The following KIAA0408 variants were observed in gnomAD, a reference collection of about 807,000 sequenced individuals.
KIAA0408 encodes uncharacterized protein KIAA0408.
In KIAA0408, 51 loss-of-function variants were observed where a neutral mutation model predicts 60.9. The ratio of observed to expected loss-of-function variants is 0.84; its 90% CI spans 0.67 to 1.06. The LOEUF (loss-of-function observed/expected upper bound fraction) is 1.06. Among genes scored for constraint, KIAA0408 ranks in the 50% least tolerant of loss-of-function variants. The probability of loss-of-function intolerance (pLI) is 0.00; values close to 1 mark genes in which losing one functional copy is unlikely to be tolerated. For missense variants in KIAA0408, 787 were observed against 833.9 expected (o/e 0.94, Z 0.69); for synonymous variants, 304 against 282.4 (o/e 1.08, Z -0.77).
chr6:127,446,284 A>G (rs1328037928), intron 5 of KIAA0408, 124 bp downstream of exon 5: 113 of 1,469,846 alleles, frequency 7.7e-5, no homozygotes, highest in Non-Finnish European at 9.8e-5. Flanking sequence ...AAACAGGGTC[A>G]AGAGGCTAAG....
Position 127,446,714 on chromosome 6 carries a change from A to C in KIAA0408, c.1605T>G (p.Asn535Lys). 1 of 1,613,906 alleles carries C rather than the reference A, an allele frequency of 6.2e-7. No homozygotes were observed. The highest frequency in any genetic ancestry group is 8.5e-7 in the Non-Finnish European group (1 of 1,180,004). The change falls in exon 5 of 6, where the codon AAT (asparagine) becomes AAG (lysine). Residue 535 changes from asparagine to lysine, a missense_variant. By Grantham distance (94) the Asn-to-Lys change is moderately conservative (BLOSUM62 0). This residue lies in a region of KIAA0408 where 640 missense variants were observed against 681.3 expected (regional missense o/e 0.94). Transcript: ENST00000483725. ...QGHLSPRSYR[N>K]MLHEHDWRPS... ...GTCTCCAGTCATGCTCGTGGAGCAT[A>C]TTTCGATAACTGCGAGGACTTAGGT...
Position 127,450,173 on chromosome 6 carries a change from A to G in KIAA0408, c.315T>C (p.Asn105=), listed in dbSNP as rs775296387. 6.2e-7 allele frequency: 1 copy of G among 1,613,508 alleles called. No individual in the cohort carries two copies. The highest frequency in any genetic ancestry group is 8.5e-7 in the Non-Finnish European group (1 of 1,179,846). The change falls in exon 3 of 6, where the codon AAT becomes AAC. Residue 105 remains asparagine (N), a synonymous_variant. Transcript: ENST00000483725. The stretch of plus-strand genomic sequence containing the variant: ...CACTGACTAAGCTCTGCTCTCTTTT[A>G]TTTTCTTTTCTCAGACCATCTTTGT... ...TNHKDGLRKE[N]KREQSLVSGG...
intron 1 of KIAA0408, among the ~76,000 whole-genome samples, chr6:127,454,900 C>A (rs986783754): frequency 3.3e-5 from 5 of 151,944 alleles, no homozygotes; most frequent in Non-Finnish European, 5.9e-5. Flanking sequence ...AACTTTCTAG[C>A]CTTCAGGGAC....
intron 5 of KIAA0408, among the ~76,000 whole-genome samples, chr6:127,446,163 A>G (rs1364644979): frequency 2.0e-5 from 3 of 152,212 alleles, no homozygotes; most frequent in Non-Finnish European, 4.4e-5. Flanking sequence ...TCCTAAATCC[A>G]CTTACTGTAT....
chr6:127,444,042 C>T lies in KIAA0408; in HGVS notation c.*67G>A, dbSNP rs1246227679. The T allele has an allele frequency of 6.7e-7, 1 of 1,482,630 alleles. No homozygotes were observed. The highest frequency in any genetic ancestry group is 1.4e-5 in the African/African-American group (1 of 71,694). The allele number at this position is 1,482,630 out of a possible 1,614,324, so 91.8% of individuals were successfully genotyped here. On this transcript the variant is annotated 3_prime_UTR_variant, in exon 6 of 6. Coordinates refer to ENST00000483725, the MANE Select transcript of KIAA0408 (RefSeq NM_014702.5). ...GGAAGAGAACAGGTCCGCCTGTAAA[C>T]ACTCAGAATGCTCTGTTTGACAAGT... is the stretch of plus-strand genomic sequence containing the variant.
At chr6:127,449,647 A>G (rs1023924258) in intron 4 of KIAA0408, among the ~76,000 whole-genome samples, 175 bp downstream of exon 4, 7 of 152,142 alleles carry the variant, frequency 4.6e-5, no homozygotes, top group Non-Finnish European at 1.0e-4. Flanking sequence ...GCAAGATAAC[A>G]TCTCAAAAAC....
At chr6:127,452,515 A>AT (rs980092327) in intron 2 of KIAA0408, among the ~76,000 whole-genome samples, 12 of 152,324 alleles carry the variant, frequency 7.9e-5, no homozygotes, top group African/African-American at 2.2e-4. Context: ...TTTACCATAG[A>AT]TGAACTCTAT....
At chr6:127,458,651 A>G (rs113381763) in intron 1 of KIAA0408, among the ~76,000 whole-genome samples, 6 of 152,368 alleles carry the variant, frequency 3.9e-5, no homozygotes, top group African/African-American at 9.6e-5. Context: ...AGATTATTCA[A>G]TTATGAATGG....
In KIAA0408 at chr6:127,439,675, G is replaced by A. The variant is rs1183613708; in HGVS notation, c.*4434C>T. ...AAGGCTGGAAAAATAGCCTGAGCTA[G>A]GAGTCTGAAGAGCCATCTATTTAAC... On this transcript the variant is annotated 3_prime_UTR_variant, in exon 6 of 6. Coordinates refer to ENST00000483725, the MANE Select transcript of KIAA0408 (RefSeq NM_014702.5). 1 of 151,846 alleles carries A rather than the reference G, an allele frequency of 6.6e-6. No homozygotes were observed. Among genetic ancestry groups the A allele is most frequent in the Non-Finnish European group, 1.5e-5 (1 of 67,990 alleles). 9.4% of individuals were successfully genotyped at this position (151,846 alleles called of 1,614,324 possible). A position where few individuals can be genotyped will look rare whatever the true frequency, so the allele number is the denominator to read the frequency against.
At chr6:127,444,407 C>T in intron 5 of KIAA0408, 125 bp from the exon 6 acceptor site, 2 of 723,364 alleles carry the variant, frequency 2.8e-6, no homozygotes, top group Non-Finnish European at 4.2e-6. Flanking sequence ...GCATTGAAAA[C>T]TAAAGAAGGT....
chr6:127,444,477 T>C (rs1434719215), intron 5 of KIAA0408, among the ~76,000 whole-genome samples, 195 bp from the exon 6 acceptor site: 1 of 152,200 alleles, frequency 6.6e-6, no homozygotes, highest in Non-Finnish European at 1.5e-5. Flanking sequence ...ATATGGAATA[T>C]GATATTTGAT....
Position 127,441,803 on chromosome 6 carries a change from T to C in KIAA0408, c.*2306A>G, listed in dbSNP as rs1773111532. The C allele has an allele frequency of 6.6e-6, 1 of 152,216 alleles. No individual in the cohort carries two copies. Among genetic ancestry groups the C allele is most frequent in the Non-Finnish European group, 1.5e-5 (1 of 68,032 alleles). The allele number at this position is 152,216 out of a possible 1,614,324, so 9.4% of individuals were successfully genotyped here. A position where few individuals can be genotyped will look rare whatever the true frequency, so the allele number is the denominator to read the frequency against. ...AGAAAACAGAACATTCAAATAACCT[T>C]AGTTTTTCAGTTTTACAATCAAGGA... On this transcript the variant is annotated 3_prime_UTR_variant, in exon 6 of 6. Coordinates refer to ENST00000483725, the MANE Select transcript of KIAA0408 (RefSeq NM_014702.5).
In KIAA0408 at chr6:127,447,198, G is replaced by T; in HGVS notation, c.1121C>A (p.Ser374Tyr). The change falls in exon 5 of 6, where the codon TCT becomes TAT. Residue 374 changes from serine (S) to tyrosine (Y), a missense_variant. By Grantham distance (144) the Ser-to-Tyr change is moderately radical (BLOSUM62 -2). Transcript: ENST00000483725. ...GCAGGTTTTCTGAAACCACGAAGTA[G>T]AGGGGCTCCTTTTTGCACCTATCCC... Reference protein sequence around the residue: ...DIGIGAKRSPSTSWFQKTCST... With the variant: ...DIGIGAKRSPYTSWFQKTCST... 6.2e-7 allele frequency: 1 copy of T among 1,612,408 alleles called. No individual in the cohort carries two copies. Among genetic ancestry groups the T allele is most frequent in the South Asian group, 1.1e-5 (1 of 90,736 alleles).
intron 1 of KIAA0408, among the ~76,000 whole-genome samples, chr6:127,456,272 T>C (rs1011880260): frequency 6.6e-6 from 1 of 152,196 alleles, no homozygotes; most frequent in Non-Finnish European, 1.5e-5. Context: ...CTTTAAACAT[T>C]GGAAATGTTC....
chr6:127,444,082 T>C lies in KIAA0408; in HGVS notation c.*27A>G, dbSNP rs1214344017. 6.2e-7 allele frequency: 1 copy of C among 1,610,308 alleles called. No homozygotes were observed. Among genetic ancestry groups the C allele is most frequent in the East Asian group, 2.2e-5 (1 of 44,720 alleles). Reference sequence around the variant, plus strand: ...GTTTGACAAGTGGGACTAGAACTTCTGTAATATAGCAATCCAGGCCAAAGA... The same window carrying C: ...GTTTGACAAGTGGGACTAGAACTTCCGTAATATAGCAATCCAGGCCAAAGA... On this transcript the variant is annotated 3_prime_UTR_variant, in exon 6 of 6. Coordinates refer to ENST00000483725, the MANE Select transcript of KIAA0408 (RefSeq NM_014702.5).
Position 127,446,387 on chromosome 6 carries a change from A to G in KIAA0408, c.1911+21T>C, listed in dbSNP as rs756954652. The G allele has an allele frequency of 2.9e-5, 46 of 1,588,768 alleles. No homozygotes were observed. The South Asian group carries it at 5.1e-4, about 18-fold the overall frequency. On this transcript the variant is annotated intron_variant, in intron 5 of 5. Transcript: ENST00000483725. ...TTGCTAATATGGATGCTACCAAATT[A>G]TGTTATATTTGCTTTCTCACCTCTG...
chr6:127,452,349 C>T (rs146173701), intron 2 of KIAA0408, among the ~76,000 whole-genome samples: 73 of 152,174 alleles, frequency 4.8e-4, no homozygotes, highest in African/African-American at 1.7e-3. Flanking sequence ...CTGTATAGCA[C>T]AGGCAGCAAA....
intron 4 of KIAA0408, among the ~76,000 whole-genome samples, chr6:127,448,654 A>T (rs542329486): frequency 6.6e-6 from 1 of 152,316 alleles, no homozygotes; most frequent in African/African-American, 2.4e-5. Flanking sequence ...AGATTATGGG[A>T]TAGCTTACAA....
chr6:127,441,139 C>A lies in KIAA0408; in HGVS notation c.*2970G>T, dbSNP rs932335722. ...TTGTCACAAATGTGCCTAAAAATAACTTTAAAGATCTTTGTAGGGAAGCAG... is the reference window on the plus strand; with the variant it reads ...TTGTCACAAATGTGCCTAAAAATAAATTTAAAGATCTTTGTAGGGAAGCAG... On this transcript the variant is annotated 3_prime_UTR_variant, in exon 6 of 6. Coordinates refer to ENST00000483725, the MANE Select transcript of KIAA0408 (RefSeq NM_014702.5). The A allele has an allele frequency of 6.6e-6, 1 of 152,158 alleles. No individual in the cohort carries two copies. Among genetic ancestry groups the A allele is most frequent in the African/African-American group, 2.4e-5 (1 of 41,424 alleles). The allele number at this position is 152,158 out of a possible 1,614,324, so 9.4% of individuals were successfully genotyped here. A position where few individuals can be genotyped will look rare whatever the true frequency, so the allele number is the denominator to read the frequency against.
Sources: gnomAD v4.1 joint callset for allele counts (sites outside exome capture counted in the v4.1 genomes callset) on GRCh38, gnomAD v4.1.1 for gene constraint, gnomAD v4.1.1 regional missense constraint, MANE v1.5 for transcripts, NCBI Gene and HGNC (gene_info 2026-07-23, HGNC 2026-07-21) for gene names.